Variants in GPLD1 observed in about 807,000 individuals in gnomAD.
GPLD1 encodes the protein glycosylphosphatidylinositol specific phospholipase D1.
Under a neutral mutation model 112.6 loss-of-function variants are expected in GPLD1, and 84 were observed. The observed-to-expected ratio is 0.75, with a 90% confidence interval of 0.63 to 0.89. The LOEUF is 0.89. Ranked by LOEUF, GPLD1 falls within the 40% of genes least tolerant of loss-of-function variation. The pLI is 0.00. For synonymous variants in GPLD1, 386 were observed against 403.8 expected, an observed-to-expected ratio of 0.96 and a Z score of 0.53; for missense variants, 1,044 against 1,051.5, an observed-to-expected ratio of 0.99 and a Z score of 0.10.
rs71002496 is a variant in GPLD1, at chr6:24,442,422, A to ATTTTTTTTTTTTTTT, written c.2020+3109_2020+3123dup. On this transcript the variant is annotated intron_variant, in intron 20 of 24. Transcript: ENST00000230036. Reference sequence around the variant, plus strand: ...AGGTGCATGCCACCACATCTGGCTAATTTTTTTTTTTTTTTTTTTTTTTTT... The same window carrying ATTTTTTTTTTTTTTT: ...AGGTGCATGCCACCACATCTGGCTAATTTTTTTTTTTTTTTTTTTTTTTTTTTTTTTTTTTTTTTT... Among the ~76,000 whole-genome samples the ATTTTTTTTTTTTTTT allele has an allele frequency of 4.9e-5, 3 of 60,618 alleles. 1 individual carries two copies. Among genetic ancestry groups the ATTTTTTTTTTTTTTT allele is most frequent in the Admixed American group, 5.2e-4 (2 of 3,820 alleles). 39.8% of individuals were successfully genotyped at this position (60,618 alleles called of 152,430 possible). A position where few individuals can be genotyped will look rare whatever the true frequency, so the allele number is the denominator to read the frequency against.
intron 1 of GPLD1, among the ~76,000 whole-genome samples, chr6:24,488,193 G>A (rs1276108050): frequency 6.6e-6 from 1 of 152,066 alleles, no homozygotes; most frequent in Non-Finnish European, 1.5e-5. Flanking sequence ...GGATCGCAAG[G>A]TCAGGAGATC....
chr6:24,486,903 T>G (rs1764395284), intron 1 of GPLD1, among the ~76,000 whole-genome samples: 1 of 151,992 alleles, frequency 6.6e-6, no homozygotes, highest in Non-Finnish European at 1.5e-5. Context: ...ACACCTAACC[T>G]ATGGACTGAA....
chr6:24,492,058 AAAC>A (rs1271531806), upstream of GPLD1, among the ~76,000 whole-genome samples: 4 of 152,200 alleles, frequency 2.6e-5, no homozygotes, highest in Admixed American at 6.5e-5. Flanking sequence ...GCTTTGTTAT[AAAC>A]AAGACAGCAT....
intron 24 of GPLD1, among the ~76,000 whole-genome samples, chr6:24,430,487 G>C (rs1762367758): frequency 6.6e-6 from 1 of 152,132 alleles, no homozygotes; most frequent in Non-Finnish European, 1.5e-5. Flanking sequence ...TATCTCACAG[G>C]TGCTTGATAC....
intron 3 of GPLD1, 84 bp from the exon 4 acceptor site, chr6:24,476,362 G>T: frequency 1.4e-6 from 1 of 707,338 alleles, no homozygotes; most frequent in Non-Finnish European, 2.5e-6. Context: ...CCGCTGCGCT[G>T]CTGTGTCCCT....
Position 24,472,616 on chromosome 6 carries a change from A to G in GPLD1, c.511T>C (p.Phe171Leu), listed in dbSNP as rs1017377648. 2 of 1,595,882 alleles carry G rather than the reference A, an allele frequency of 1.3e-6. No homozygotes were observed. The highest frequency in any genetic ancestry group is 1.7e-6 in the Non-Finnish European group (2 of 1,163,498). Reference sequence around the variant, plus strand: ...GCAAGGTAATTAAAATTAAATTCAAACTGGCTCAACACATCTCCTCCTAGG... The same window carrying G: ...GCAAGGTAATTAAAATTAAATTCAAGCTGGCTCAACACATCTCCTCCTAGG... ...GDFGGDVLSQ[F>L]EFNFNYLARR... The change falls in exon 7 of 25, where the codon TTT (phenylalanine) becomes CTT (leucine). Residue 171 changes from phenylalanine (F) to leucine (L), a missense_variant. Phe to Leu is a conservative substitution (Grantham distance 22). Coordinates refer to ENST00000230036, the MANE Select transcript of GPLD1 (RefSeq NM_001503.4).
At chr6:24,476,625 TTTTG>T (rs935099128) in intron 3 of GPLD1, among the ~76,000 whole-genome samples, 2 of 152,150 alleles carry the variant, frequency 1.3e-5, no homozygotes, top group African/African-American at 4.8e-5. Context: ...TGTACTTTGG[TTTTG>T]TTTATTTGTT....
chr6:24,443,717 C>T (rs1284959694), intron 20 of GPLD1, among the ~76,000 whole-genome samples: 1 of 152,102 alleles, frequency 6.6e-6, no homozygotes, highest in African/African-American at 2.4e-5. Context: ...GTCACCCAGG[C>T]TGGAGTGCAG....
intron 10 of GPLD1, among the ~76,000 whole-genome samples, chr6:24,464,313 G>A (rs979847417): frequency 6.6e-6 from 1 of 152,198 alleles, no homozygotes; most frequent in Non-Finnish European, 1.5e-5. Flanking sequence ...TTAGCAACTT[G>A]TTCCAGATAA....
At chr6:24,486,185 C>T in intron 1 of GPLD1, 55 bp from the exon 2 acceptor site, 2 of 1,000,988 alleles carry the variant, frequency 2.0e-6, no homozygotes, top group East Asian at 2.4e-5. Flanking sequence ...GAAAACATAA[C>T]TTAGGCGAGA....
chr6:24,438,421 CAA>C (rs1002298383), intron 20 of GPLD1, among the ~76,000 whole-genome samples: 4 of 152,156 alleles, frequency 2.6e-5, no homozygotes, highest in Admixed American at 2.0e-4. Context: ...CGTATGCTGG[CAA>C]AGTGTCAGTG....
intron 24 of GPLD1, among the ~76,000 whole-genome samples, chr6:24,430,034 C>A (rs1401226695): frequency 6.6e-6 from 1 of 152,150 alleles, no homozygotes; most frequent in Non-Finnish European, 1.5e-5. Flanking sequence ...CTGATGAAAT[C>A]TAGAAATAAT....
At chr6:24,432,449 A>C (rs1012020546) in intron 24 of GPLD1, among the ~76,000 whole-genome samples, 9 of 151,970 alleles carry the variant, frequency 5.9e-5, no homozygotes, top group Admixed American at 6.6e-5. Context: ...AGTTTTTGAA[A>C]AAATAGCTGG....
intron 14 of GPLD1, among the ~76,000 whole-genome samples, chr6:24,452,790 C>T (rs997286563): frequency 7.4e-6 from 1 of 135,344 alleles, no homozygotes; most frequent in Admixed American, 7.4e-5. Flanking sequence ...AAAAAAAAAG[C>T]AAGCACGTTC....
intron 22 of GPLD1, chr6:24,433,605 G>A (rs973634373): frequency 7.9e-5 from 36 of 453,136 alleles, no homozygotes; most frequent in Non-Finnish European, 7.0e-5. Context: ...CAAGTCTCCC[G>A]CTTCAGCCTC....
At chr6:24,459,085 G>A (rs1417036786) in intron 12 of GPLD1, among the ~76,000 whole-genome samples, 4 of 151,906 alleles carry the variant, frequency 2.6e-5, no homozygotes, top group Admixed American at 6.6e-5. Flanking sequence ...AGGCAAATAC[G>A]ACTACTCAGA....
intron 3 of GPLD1, 43 bp from the exon 4 acceptor site, chr6:24,476,321 T>C: frequency 9.3e-7 from 1 of 1,071,548 alleles, no homozygotes; most frequent in Non-Finnish European, 1.4e-6. Context: ...TCTTAAAAGT[T>C]GGAGAGTCTC....
intron 20 of GPLD1, 102 bp downstream of exon 20, chr6:24,445,444 C>T: frequency 2.7e-6 from 2 of 745,112 alleles, no homozygotes; most frequent in Non-Finnish European, 2.3e-6. Flanking sequence ...ATATTGAAAC[C>T]TAGATCTGTT....
At chr6:24,452,451 G>T (rs1763121408) in intron 14 of GPLD1, among the ~76,000 whole-genome samples, 1 of 152,092 alleles carries the variant, frequency 6.6e-6, no homozygotes, top group Non-Finnish European at 1.5e-5. Flanking sequence ...GCCTAAACTA[G>T]ATCATAAATC....
Sources: gnomAD v4.1 joint callset for allele counts (sites outside exome capture counted in the v4.1 genomes callset) on GRCh38, gnomAD v4.1.1 for gene constraint, MANE v1.5 for transcripts, NCBI Gene and HGNC (gene_info 2026-07-23, HGNC 2026-07-21) for gene names.